Variants in DDX60L observed in about 807,000 individuals in gnomAD.
DDX60L encodes probable ATP-dependent RNA helicase DDX60-like.
In DDX60L, 191 loss-of-function variants were observed where a neutral mutation model predicts 211.6. The observed-to-expected ratio is 0.90, with a 90% CI of 0.80 to 1.02. The LOEUF is 1.02. Ranked by LOEUF, DDX60L falls within the 50% of genes least tolerant of loss-of-function variation. DDX60L has a pLI of 0.00. For missense variants in DDX60L, 2,007 were observed against 1,984.1 expected (o/e 1.01, Z -0.22); for synonymous variants, 706 against 694.1 (o/e 1.02, Z -0.27).
At chr4:168,402,476 C>G (rs746704910) in intron 25 of DDX60L, among the ~76,000 whole-genome samples, 2 of 151,572 alleles carry the variant, frequency 1.3e-5, no homozygotes, top group Non-Finnish European at 2.9e-5. Flanking sequence ...ATGTTTTCTA[C>G]TGATTAGTTA....
At chr4:168,465,625 T>C (rs373014902) in intron 4 of DDX60L, among the ~76,000 whole-genome samples, 41 of 152,286 alleles carry the variant, frequency 2.7e-4, no homozygotes, top group African/African-American at 9.6e-4. Flanking sequence ...TTCATAGTTT[T>C]GGGTCCTACA....
At chr4:168,399,359 C>T (rs1337291904) in intron 26 of DDX60L, among the ~76,000 whole-genome samples, 1 of 152,150 alleles carries the variant, frequency 6.6e-6, no homozygotes, top group Non-Finnish European at 1.5e-5. Context: ...TGGGCACCAC[C>T]ATGTTCCCCC....
chr4:168,475,438 C>T (rs1759342077), intron 1 of DDX60L, among the ~76,000 whole-genome samples: 1 of 152,042 alleles, frequency 6.6e-6, no homozygotes, highest in Non-Finnish European at 1.5e-5. Flanking sequence ...AACTTGACTC[C>T]ATAATGAATA....
At position 168,366,181 on chromosome 4, in the gene DDX60L, C is replaced by A. The variant is rs532132447; in HGVS notation, c.4929-4970G>T. The stretch of plus-strand genomic sequence containing the variant: ...AATAAATAATTAAAGACATCCAAAT[C>A]GGAAAGGAAAAAGTCAGATTGTCCC... On this transcript the variant is annotated intron_variant, in intron 36 of 37. Transcript: ENST00000682922. Among the ~76,000 whole-genome samples the A allele has an allele frequency of 3.3e-5, 5 of 152,050 alleles. No individual in the cohort carries two copies. In the East Asian group the frequency reaches 7.7e-4, roughly 24 times the overall value.
chr4:168,421,641 C>T (rs1033442975), intron 17 of DDX60L, 119 bp downstream of exon 17: 2 of 1,355,872 alleles, frequency 1.5e-6, no homozygotes, highest in Non-Finnish European at 2.0e-6. Context: ...AGTGACAGAG[C>T]AAGACTCTGT....
At chr4:168,375,639 T>C in intron 33 of DDX60L, 115 bp from the exon 34 acceptor site, 1 of 985,714 alleles carries the variant, frequency 1.0e-6, no homozygotes, top group Non-Finnish European at 1.4e-6. Flanking sequence ...ATCAAAACCC[T>C]TGATTACTTT....
chr4:168,391,562 A>C lies in DDX60L; in HGVS notation c.3893T>G (p.Leu1298Arg), dbSNP rs932227481. The part of the protein sequence containing the change: ...SVVFAQDSVY[L>R]DALNYRQMSG... ...TACCTGTCTGTAATTTAAAGCATCCAGATAGACTGAGTCTTGGGCAAAAAC... is the reference window on the plus strand; with the variant it reads ...TACCTGTCTGTAATTTAAAGCATCCCGATAGACTGAGTCTTGGGCAAAAAC... The change falls in exon 29 of 38, where the codon CTG becomes CGG. Residue 1298 changes from leucine to arginine, a missense_variant. By Grantham distance (102) the Leu-to-Arg change is moderately radical (BLOSUM62 -2). Coordinates refer to ENST00000682922, the MANE Select transcript of DDX60L (RefSeq NM_001012967.3). 21 of 1,606,074 alleles carry C rather than the reference A, an allele frequency of 1.3e-5. No individual in the cohort carries two copies. Among genetic ancestry groups the C allele is most frequent in the Non-Finnish European group, 1.6e-5 (19 of 1,175,248 alleles).
At chr4:168,379,313 C>T in intron 32 of DDX60L, 50 bp downstream of exon 32, 3 of 1,445,334 alleles carry the variant, frequency 2.1e-6, no homozygotes, top group Non-Finnish European at 2.8e-6. Flanking sequence ...TTTGGCTATT[C>T]AATAAATATG....
rs539275252 is a variant in DDX60L, at chr4:168,476,583, G to T, written c.-110-3774C>A. Among the ~76,000 whole-genome samples, 9 of 152,200 alleles carry T rather than the reference G, an allele frequency of 5.9e-5. No individual in the cohort carries two copies. The East Asian group carries it at 1.7e-3, about 29-fold the overall frequency. On this transcript the variant is annotated intron_variant, in intron 1 of 37. Transcript: ENST00000682922. Reference sequence around the variant, plus strand: ...AGAGAGAGAAAGAGGGAATCCTATAGATTAAAAAGCAAGACATTTATACAC... The same window carrying T: ...AGAGAGAGAAAGAGGGAATCCTATATATTAAAAAGCAAGACATTTATACAC...
chr4:168,401,391 A>G (rs1027023932), intron 25 of DDX60L, among the ~76,000 whole-genome samples: 1 of 152,160 alleles, frequency 6.6e-6, no homozygotes, highest in East Asian at 1.9e-4. Context: ...TCCCTCCCCA[A>G]CTTTGAGTTG....
chr4:168,385,822 C>T (rs1463199307), intron 29 of DDX60L, among the ~76,000 whole-genome samples: 4 of 152,062 alleles, frequency 2.6e-5, no homozygotes, highest in African/African-American at 9.7e-5. Context: ...ACAGGTATTC[C>T]CTATCATGCA....
chr4:168,417,373 C>G (rs780332514), intron 19 of DDX60L, among the ~76,000 whole-genome samples: 3 of 152,166 alleles, frequency 2.0e-5, no homozygotes, highest in Non-Finnish European at 4.4e-5. Flanking sequence ...ACCTTGAACA[C>G]ACGTGTTCCA....
Position 168,384,665 on chromosome 4 carries a change from G to C in DDX60L, c.4063C>G (p.Arg1355Gly). Residue 1355 changes from arginine to glycine, a missense_variant, in exon 30 of 38, where the codon CGA becomes GGA. Transcript: ENST00000682922. ...QFPLSITLVL[R>G]LMLLASKGDD... The stretch of plus-strand genomic sequence containing the variant: ...CCCTTGGAAGCCAGCAGCATGAGTC[G>C]CAGGACCAGGGTTATGCTGAGAGGG... 2.5e-6 allele frequency: 4 copies of C among 1,613,966 alleles called. No individual in the cohort carries two copies. Among genetic ancestry groups the C allele is most frequent in the Non-Finnish European group, 2.5e-6 (3 of 1,179,970 alleles).
intron 24 of DDX60L, among the ~76,000 whole-genome samples, chr4:168,405,061 T>C (rs1747502066): frequency 6.6e-6 from 1 of 151,324 alleles, no homozygotes; most frequent in South Asian, 2.1e-4. Context: ...CAGACTGGAG[T>C]ACAGTGGCAT....
At chr4:168,442,097 T>C (rs570960729) in intron 9 of DDX60L, among the ~76,000 whole-genome samples, 2 of 152,146 alleles carry the variant, frequency 1.3e-5, no homozygotes, top group African/African-American at 4.8e-5. Context: ...GGTACCGGGT[T>C]CATCTCACTA....
chr4:168,479,819 AAAAAAT>A (rs1419843751), intron 1 of DDX60L, among the ~76,000 whole-genome samples: 19 of 150,706 alleles, frequency 1.3e-4, no homozygotes, highest in South Asian at 6.4e-4. Context: ...AATAAAAAAT[AAAAAAT>A]AAAAAAAAAT....
chr4:168,442,128 A>G (rs12509879), intron 9 of DDX60L, among the ~76,000 whole-genome samples: 45,170 of 151,598 alleles, frequency 0.3, 8,236 homozygotes, highest in East Asian at 0.62. Flanking sequence ...GACAGTGGGC[A>G]CAGGTCAGTG....
At chr4:168,420,230 G>T in intron 18 of DDX60L, 31 bp downstream of exon 18, 1 of 1,498,306 alleles carries the variant, frequency 6.7e-7, no homozygotes, top group Non-Finnish European at 9.0e-7. Context: ...TCTATAATTT[G>T]ATAATAAACT....
At chr4:168,373,605 C>T in intron 35 of DDX60L, 61 bp downstream of exon 35, 1 of 1,533,444 alleles carries the variant, frequency 6.5e-7, no homozygotes, top group South Asian at 1.2e-5. Flanking sequence ...GGCTTCACAG[C>T]AATGTAACCC....
Sources: gnomAD v4.1 joint callset for allele counts (sites outside exome capture counted in the v4.1 genomes callset) on GRCh38, gnomAD v4.1.1 for gene constraint, MANE v1.5 for transcripts, NCBI Gene and HGNC (gene_info 2026-07-23, HGNC 2026-07-21) for gene names.